Variants in KATNIP observed in about 807,000 individuals in gnomAD.
KATNIP encodes the protein katanin interacting protein.
A neutral mutation model predicts 174.0 loss-of-function variants in KATNIP; 126 were observed. The ratio of observed to expected loss-of-function variants is 0.72; its 90% CI spans 0.63 to 0.84. The LOEUF (loss-of-function observed/expected upper bound fraction) is 0.84. Among genes scored for constraint, KATNIP ranks in the 40% least tolerant of loss-of-function variants. KATNIP has a pLI of 0.00. For missense variants in KATNIP, 1,958 were observed against 2,109.7 expected (o/e 0.93, Z 1.41); for synonymous variants, 810 against 835.7 (o/e 0.97, Z 0.53).
chr16:27,572,241 C>A (rs183271887), intron 1 of KATNIP, among the ~76,000 whole-genome samples: 1 of 151,866 alleles, frequency 6.6e-6, no homozygotes, highest in Admixed American at 6.6e-5. Flanking sequence ...CATGGCAAAA[C>A]GCCCATCTCT....
At chr16:27,699,387 T>C (rs1396073369) in intron 9 of KATNIP, 147 bp from the exon 10 acceptor site, 7 of 1,396,528 alleles carry the variant, frequency 5.0e-6, no homozygotes, top group Non-Finnish European at 6.7e-6. Context: ...TTGTCTGTGT[T>C]CCCAGACCTC....
chr16:27,774,799 C>A, intron 23 of KATNIP, 146 bp from the exon 24 acceptor site: 1 of 875,436 alleles, frequency 1.1e-6, no homozygotes, highest in Non-Finnish European at 1.8e-6. Flanking sequence ...CCCCAGGACA[C>A]GTCCAATTCA....
intron 8 of KATNIP, among the ~76,000 whole-genome samples, chr16:27,690,034 G>A (rs1052460857): frequency 1.4e-4 from 22 of 152,134 alleles, no homozygotes; most frequent in Admixed American, 1.4e-3. Context: ...CGGCTGCAGT[G>A]CCTCATGCGT....
chr16:27,707,156 A>G (rs967542271), intron 12 of KATNIP, among the ~76,000 whole-genome samples: 9 of 152,242 alleles, frequency 5.9e-5, no homozygotes, highest in African/African-American at 2.2e-4. Flanking sequence ...TATTAATTAA[A>G]AAAATAAGTG....
chr16:27,602,848 A>C (rs2075576671), intron 2 of KATNIP, among the ~76,000 whole-genome samples: 1 of 151,970 alleles, frequency 6.6e-6, no homozygotes, highest in African/African-American at 2.4e-5. Context: ...ACAGGCGCCC[A>C]CCACCACACC....
chr16:27,693,817 T>C (rs1048315916), intron 8 of KATNIP, among the ~76,000 whole-genome samples: 7 of 152,224 alleles, frequency 4.6e-5, no homozygotes, highest in African/African-American at 1.7e-4. Context: ...GTGGGTTCTG[T>C]TGGCCCTTAC....
chr16:27,614,316 C>T (rs890027684), intron 2 of KATNIP, among the ~76,000 whole-genome samples: 1 of 152,072 alleles, frequency 6.6e-6, no homozygotes, highest in Non-Finnish European at 1.5e-5. Context: ...CCCGCCACCT[C>T]GCCCAGCTAA....
chr16:27,609,389 T>A (rs1231651838), intron 2 of KATNIP, among the ~76,000 whole-genome samples: 1 of 133,430 alleles, frequency 7.5e-6, no homozygotes, highest in Non-Finnish European at 1.6e-5. Context: ...TTTTTTTTTT[T>A]TTTTTTTTTT....
chr16:27,568,758 C>T (rs1355411801), intron 1 of KATNIP, among the ~76,000 whole-genome samples: 4 of 152,118 alleles, frequency 2.6e-5, no homozygotes, highest in South Asian at 2.1e-4. Flanking sequence ...CCACCGCACC[C>T]GGCCGGAAAT....
At chr16:27,586,036 G>A (rs1869744867) in intron 2 of KATNIP, among the ~76,000 whole-genome samples, 2 of 152,090 alleles carry the variant, frequency 1.3e-5, no homozygotes, top group African/African-American at 4.8e-5. Context: ...GGAAACAGAG[G>A]TTGCAGTGAG....
intron 3 of KATNIP, among the ~76,000 whole-genome samples, chr16:27,620,775 G>C (rs968471226): frequency 6.6e-6 from 1 of 152,216 alleles, no homozygotes; most frequent in African/African-American, 2.4e-5. Context: ...TCTGAGCAGA[G>C]ATCTGCCTAG....
At position 27,773,100 on chromosome 16, in the gene KATNIP, C is replaced by T; in HGVS notation, c.4200C>T (p.Phe1400=). Residue 1400 remains phenylalanine, a splice_region_variant and synonymous_variant, in exon 23 of 28, where the codon TTC becomes TTT. Transcript: ENST00000261588. The stretch of plus-strand genomic sequence containing the variant: ...CTTTTCCTTAATAAAGTGTCCCAGT[C>T]ATTTTCCAGTTTCAGCTTCTCACCA... The part of the protein sequence containing the change: ...DYEAPLMPCG[F]IFQFQLLTSW... The T allele has an allele frequency of 2.5e-6, 4 of 1,592,494 alleles. No homozygotes were observed. Among genetic ancestry groups the T allele is most frequent in the Non-Finnish European group, 3.4e-6 (4 of 1,164,622 alleles).
At chr16:27,772,167 G>A (rs758113209) in intron 22 of KATNIP, among the ~76,000 whole-genome samples, 1 of 152,156 alleles carries the variant, frequency 6.6e-6, no homozygotes, top group South Asian at 2.1e-4. Context: ...AAGCTACTTG[G>A]AGGCTGAGGT....
At chr16:27,764,603 C>A (rs7205677) in intron 19 of KATNIP, among the ~76,000 whole-genome samples, 38,308 of 152,080 alleles carry the variant, frequency 0.25, 6,283 homozygotes, top group African/African-American at 0.47. Context: ...CTACTTGGTC[C>A]GTTGCTGTTT....
chr16:27,776,016 T>C lies in KATNIP; in HGVS notation c.4450-912T>C, dbSNP rs928020302. ...ACTGACGGCCAGCGGGTATTTTCCA[T>C]TGTCTAGCACTGGAAGGCCTTTTGG... On this transcript the variant is annotated intron_variant, in intron 24 of 27. Transcript: ENST00000261588. This position sits in a 1 kb window ranked among gnomAD's most constrained non-coding sequence, Gnocchi z 4.7. Among the ~76,000 whole-genome samples, 5 of 152,160 alleles carry C rather than the reference T, an allele frequency of 3.3e-5. No homozygotes were observed. The highest frequency in any genetic ancestry group is 7.3e-5 in the Non-Finnish European group (5 of 68,032).
At chr16:27,761,678 A>G in intron 19 of KATNIP, 88 bp downstream of exon 19, 2 of 1,180,836 alleles carry the variant, frequency 1.7e-6, no homozygotes, top group Non-Finnish European at 2.5e-6. Flanking sequence ...CAGACATCAA[A>G]TAGAATCGCA....
chr16:27,659,576 G>C (rs983151495), intron 6 of KATNIP, among the ~76,000 whole-genome samples: 1 of 151,466 alleles, frequency 6.6e-6, no homozygotes, highest in Admixed American at 6.6e-5. Flanking sequence ...ATTATATTAA[G>C]ACAGTACTAT....
chr16:27,644,927 C>G (rs2142300647), intron 5 of KATNIP, among the ~76,000 whole-genome samples: 1 of 152,302 alleles, frequency 6.6e-6, no homozygotes, highest in African/African-American at 2.4e-5. Context: ...GCACCTGGAG[C>G]AGAATATTAA....
At chr16:27,773,854 G>C (rs998536360) in intron 23 of KATNIP, among the ~76,000 whole-genome samples, 1 of 151,964 alleles carries the variant, frequency 6.6e-6, no homozygotes, top group Non-Finnish European at 1.5e-5. Flanking sequence ...TATCTACCAG[G>C]CCCCGAAACT....
Sources: gnomAD v4.1 joint callset for allele counts (sites outside exome capture counted in the v4.1 genomes callset) on GRCh38, gnomAD v4.1.1 for gene constraint, Gnocchi (gnomAD v3.1) non-coding constraint, MANE v1.5 for transcripts, NCBI Gene and HGNC (gene_info 2026-07-23, HGNC 2026-07-21) for gene names.